The following PSTPIP1 variants were observed in gnomAD, a reference collection of about 807,000 sequenced individuals.
PSTPIP1 encodes proline-serine-threonine phosphatase interacting protein 1.
A neutral mutation model predicts 69.6 loss-of-function variants in PSTPIP1; 66 were observed. That is an observed-to-expected ratio of 0.95 (90% CI 0.78 to 1.16). PSTPIP1 has a LOEUF of 1.16. Ranked by LOEUF, PSTPIP1 falls within the 50% of genes most tolerant of loss-of-function variation. The pLI is 0.00. For synonymous variants in PSTPIP1, 266 were observed against 222.7 expected, an observed-to-expected ratio of 1.19 and a Z score of -1.73; for missense variants, 603 against 557.4, an observed-to-expected ratio of 1.08 and a Z score of -0.82.
At position 77,031,216 on chromosome 15, in the gene PSTPIP1, C is replaced by G; in HGVS notation, c.679C>G (p.Leu227Val). Residue 227 changes from leucine to valine, a missense_variant, in exon 10 of 15, where the codon CTC becomes GTC. Leu to Val is a conservative substitution (Grantham distance 32). Coordinates refer to ENST00000558012, the MANE Select transcript of PSTPIP1 (RefSeq NM_003978.5). ...GCAAGAGTTTGACCGGCTGACCATT[C>G]TCCGCAACGCCCTGTGGGTGCACAG... The part of the protein sequence containing the change: ...QLQEFDRLTI[L>V]RNALWVHSNQ... 1 of 1,613,098 alleles carries G rather than the reference C, an allele frequency of 6.2e-7. No individual in the cohort carries two copies. Among genetic ancestry groups the G allele is most frequent in the Non-Finnish European group, 8.5e-7 (1 of 1,179,700 alleles).
chr15:77,030,595 G>A lies in PSTPIP1; in HGVS notation c.642+14G>A, dbSNP rs368315332. 2.5e-5 allele frequency: 40 copies of A among 1,583,832 alleles called. 1 individual carries two copies. The highest frequency in any genetic ancestry group is 1.2e-4 in the South Asian group (11 of 89,446). On this transcript the variant is annotated intron_variant, in intron 9 of 14. Coordinates refer to ENST00000558012, the MANE Select transcript of PSTPIP1 (RefSeq NM_003978.5). ...ACCACCTGTGAGGTGAGTGGCCCACGTGGAGCCTCGTTTTCCCCAGCTGGG... is the reference window on the plus strand; with the variant it reads ...ACCACCTGTGAGGTGAGTGGCCCACATGGAGCCTCGTTTTCCCCAGCTGGG...
chr15:77,027,392 A>G lies in PSTPIP1; in HGVS notation c.355-460A>G, dbSNP rs2076304169. On this transcript the variant is annotated intron_variant, in intron 5 of 14. Coordinates refer to ENST00000558012, the MANE Select transcript of PSTPIP1 (RefSeq NM_003978.5). The surrounding 1 kb of genome is among the most constrained non-coding windows in gnomAD (Gnocchi z 4.3). ...GTGGGAGTGTGTACTTGTGAGTGGC[A>G]TCTGTGGGTGTGCACAGGAATGCCT... Among the ~76,000 whole-genome samples, 1 of 152,116 alleles carries G rather than the reference A, an allele frequency of 6.6e-6. No individual in the cohort carries two copies.
At chr15:77,035,672 TCCC>T in intron 13 of PSTPIP1, 109 bp downstream of exon 13, 1 of 1,473,882 alleles carries the variant, frequency 6.8e-7, no homozygotes, top group Non-Finnish European at 9.2e-7. Context: ...GAAGTGTGTG[TCCC>T]CCAACAGCAA....
chr15:77,026,762 G>A (rs1048154487), intron 5 of PSTPIP1, among the ~76,000 whole-genome samples: 3 of 152,226 alleles, frequency 2.0e-5, no homozygotes, highest in African/African-American at 7.2e-5. Context: ...GCCCAGGCTT[G>A]AGGTGCCGGA....
Position 77,032,369 on chromosome 15 carries a change from C to G in PSTPIP1, c.813C>G (p.Ala271=). Residue 271 remains alanine, a synonymous_variant, in exon 11 of 15, where the codon GCC becomes GCG. Transcript: ENST00000558012. ...IDADIDSFIQ[A]KSTGTEPPAP... is the part of the protein sequence containing the mutation. ...CCGACATCGACAGTTTCATCCAGGC[C>G]AAGAGCACGGGCACAGAGCCCCCCG... is the stretch of plus-strand genomic sequence containing the variant. 1.2e-6 allele frequency: 2 copies of G among 1,612,690 alleles called. No individual in the cohort carries two copies. Among genetic ancestry groups the G allele is most frequent in the Non-Finnish European group, 8.5e-7 (1 of 1,179,806 alleles).
rs1302488111 is a variant in PSTPIP1 at position 77,031,182 on chromosome 15, C to T, written c.645C>T (p.Ala215=). 3.7e-6 allele frequency: 6 copies of T among 1,612,298 alleles called. No homozygotes were observed. Among genetic ancestry groups the T allele is most frequent in the South Asian group, 3.3e-5 (3 of 91,066 alleles). Reference sequence around the variant, plus strand: ...CACCTCCCTCCCACTGCCCCCAGGCCTTTCAGCTGCAAGAGTTTGACCGGC... The same window carrying T: ...CACCTCCCTCCCACTGCCCCCAGGCTTTTCAGCTGCAAGAGTTTGACCGGC... ...WEQEHRTTCE[A]FQLQEFDRLT... Residue 215 remains alanine (A), a splice_region_variant and synonymous_variant, in exon 10 of 15, where the codon GCC becomes GCT. Transcript: ENST00000558012.
At chr15:77,013,606 C>T (rs1255153057) in intron 1 of PSTPIP1, among the ~76,000 whole-genome samples, 5 of 152,186 alleles carry the variant, frequency 3.3e-5, no homozygotes, top group South Asian at 2.1e-4. Flanking sequence ...CAACCTCTCC[C>T]GTTGCACCCA....
At chr15:77,004,243 A>AG (rs1323374535) in intron 1 of PSTPIP1, among the ~76,000 whole-genome samples, 1 of 152,110 alleles carries the variant, frequency 6.6e-6, no homozygotes, top group Non-Finnish European at 1.5e-5. Flanking sequence ...AGTTAATGGG[A>AG]GGGTGTGTTG....
chr15:77,018,103 TC>T, intron 1 of PSTPIP1, 44 bp from the exon 2 acceptor site: 2 of 1,538,472 alleles, frequency 1.3e-6, no homozygotes, highest in Non-Finnish European at 1.8e-6. Flanking sequence ...GTGCTCAGTG[TC>T]GCCTGGTCGT....
chr15:77,010,755 C>A (rs1005100909), intron 1 of PSTPIP1, among the ~76,000 whole-genome samples: 3 of 152,130 alleles, frequency 2.0e-5, no homozygotes, highest in Non-Finnish European at 4.4e-5. Context: ...TAAAGTGATT[C>A]TCCTGCCTCA....
rs75744288 is a variant in PSTPIP1 at position 77,002,675 on chromosome 15, T to G, written c.36+7066T>G. 5.9e-3 allele frequency among the ~76,000 whole-genome samples: 892 copies of G among 152,328 alleles called. 10 individuals are homozygous for G. Among genetic ancestry groups the G allele is most frequent in the African/African-American group, 0.021 (858 of 41,576 alleles). On this transcript the variant is annotated intron_variant, in intron 1 of 14. Transcript: ENST00000558012. ...AGGTTTGTGGTCATGCTTGCTTTGCTTTTGCGATGCCTGCAGATGGTCACT... is the reference window on the plus strand; with the variant it reads ...AGGTTTGTGGTCATGCTTGCTTTGCGTTTGCGATGCCTGCAGATGGTCACT...
chr15:77,007,176 GC>G (rs1245541830), intron 1 of PSTPIP1, among the ~76,000 whole-genome samples: 1 of 152,128 alleles, frequency 6.6e-6, no homozygotes, highest in Non-Finnish European at 1.5e-5. Flanking sequence ...CTTCCTTGAG[GC>G]CCCACCTGCT....
intron 1 of PSTPIP1, among the ~76,000 whole-genome samples, chr15:77,015,069 C>T (rs1478123372): frequency 1.3e-5 from 2 of 152,198 alleles, no homozygotes; most frequent in Non-Finnish European, 2.9e-5. Context: ...TACCCAGAGC[C>T]GCACTCCTCT....
At chr15:77,014,061 T>C (rs1314318168) in intron 1 of PSTPIP1, among the ~76,000 whole-genome samples, 1 of 151,954 alleles carries the variant, frequency 6.6e-6, no homozygotes, top group African/African-American at 2.4e-5. Flanking sequence ...TGCCCCTGGG[T>C]GACAGGCCCT....
intron 1 of PSTPIP1, among the ~76,000 whole-genome samples, chr15:77,005,263 G>A (rs1370061568): frequency 6.6e-6 from 1 of 152,118 alleles, no homozygotes; most frequent in Non-Finnish European, 1.5e-5. Context: ...GTGCATGCCT[G>A]TAATCCCAGC....
intron 12 of PSTPIP1, among the ~76,000 whole-genome samples, chr15:77,033,524 T>C (rs1047942582): frequency 6.6e-6 from 1 of 152,198 alleles, no homozygotes; most frequent in Non-Finnish European, 1.5e-5. Flanking sequence ...GGGAGCACTA[T>C]AGCCAGCTTA....
intron 8 of PSTPIP1, among the ~76,000 whole-genome samples, chr15:77,029,982 T>C (rs1017357334): frequency 4.6e-5 from 7 of 152,066 alleles, no homozygotes; most frequent in African/African-American, 1.7e-4. Context: ...ACCAACACTC[T>C]TGTCCCTGCT....
At chr15:77,019,275 G>A (rs1568501183) in intron 3 of PSTPIP1, among the ~76,000 whole-genome samples, 1 of 152,214 alleles carries the variant, frequency 6.6e-6, no homozygotes, top group Non-Finnish European at 1.5e-5. Flanking sequence ...TGTCCCCCTG[G>A]GTGAGGACAG....
rs765845344 is a variant in PSTPIP1 at position 77,032,400 on chromosome 15, G to T, written c.838+6G>T. ...CACGGGCACAGAGCCCCCCGGTGAG[G>T]TCCGGCTTGCGGACAGCGCAGCCTC... is the stretch of plus-strand genomic sequence containing the variant. On this transcript the variant is annotated splice_donor_region_variant and intron_variant, in intron 11 of 14. Transcript: ENST00000558012. 9.3e-6 allele frequency: 15 copies of T among 1,612,548 alleles called. No homozygotes were observed. Among genetic ancestry groups the T allele is most frequent in the Middle Eastern group, 1.7e-4 (1 of 6,054 alleles).
Sources: gnomAD v4.1 joint callset for allele counts (sites outside exome capture counted in the v4.1 genomes callset) on GRCh38, gnomAD v4.1.1 for gene constraint, Gnocchi (gnomAD v3.1) non-coding constraint, MANE v1.5 for transcripts, NCBI Gene and HGNC (gene_info 2026-07-23, HGNC 2026-07-21) for gene names.